Variants in ESRP1 observed in about 807,000 individuals in gnomAD.
The protein encoded by ESRP1 is epithelial splicing regulatory protein 1.
Under a neutral mutation model 81.7 loss-of-function variants are expected in ESRP1, and 33 were observed. The ratio of observed to expected loss-of-function variants is 0.40; its 90% confidence interval spans 0.31 to 0.54. The LOEUF (loss-of-function observed/expected upper bound fraction) is 0.54. Ranked by LOEUF, ESRP1 falls within the 20% of genes least tolerant of loss-of-function variation. ESRP1 has a pLI of 0.41. For missense variants in ESRP1, 672 were observed against 833.1 expected, an observed-to-expected ratio of 0.81 and a Z score of 2.38; for synonymous variants, 320 against 303.3, an observed-to-expected ratio of 1.06 and a Z score of -0.57.
intron 15 of ESRP1, among the ~76,000 whole-genome samples, chr8:94,703,599 A>C (rs73265270): frequency 4.7e-4 from 71 of 152,340 alleles, no homozygotes; most frequent in African/African-American, 1.5e-3. Context: ...GCTATTTCCT[A>C]GTATAAATGT....
In ESRP1 at chr8:94,706,209, G is replaced by T; in HGVS notation, c.*320G>T. 3 of 441,956 alleles carry T rather than the reference G, an allele frequency of 6.8e-6. No individual in the cohort carries two copies. The highest frequency in any genetic ancestry group is 1.2e-5 in the Non-Finnish European group (3 of 250,096). The allele number at this position is 441,956 out of a possible 1,614,324, so 27.4% of individuals were successfully genotyped here. On this transcript the variant is annotated 3_prime_UTR_variant, in exon 16 of 16. Transcript: ENST00000433389. The stretch of plus-strand genomic sequence containing the variant: ...TGTCTCCATTACTTCCAGTTAAAGT[G>T]GCATCATAGGTGTTTCCTAAGTTTT...
intron 3 of ESRP1, among the ~76,000 whole-genome samples, chr8:94,644,707 G>A (rs576751900): frequency 6.6e-6 from 1 of 152,174 alleles, no homozygotes; most frequent in South Asian, 2.1e-4. Context: ...AAAACATCTG[G>A]AGAAAAATTA....
chr8:94,676,203 A>C (rs1176113586), intron 12 of ESRP1, among the ~76,000 whole-genome samples: 1 of 152,072 alleles, frequency 6.6e-6, no homozygotes, highest in Non-Finnish European at 1.5e-5. Flanking sequence ...TCTACTAAAA[A>C]TACAAAAAAT....
At chr8:94,702,321 A>T (rs1809873343) in intron 15 of ESRP1, among the ~76,000 whole-genome samples, 1 of 152,126 alleles carries the variant, frequency 6.6e-6, no homozygotes, top group Non-Finnish European at 1.5e-5. Context: ...CTTCCATAGG[A>T]TCTGTTCTAA....
intron 9 of ESRP1, among the ~76,000 whole-genome samples, chr8:94,666,900 C>T (rs911438548): frequency 3.9e-5 from 6 of 152,062 alleles, no homozygotes; most frequent in Non-Finnish European, 8.8e-5. Flanking sequence ...ATGGGCACTG[C>T]GATAAGAATT....
chr8:94,647,657 G>A (rs1817916063), intron 4 of ESRP1, among the ~76,000 whole-genome samples: 1 of 152,154 alleles, frequency 6.6e-6, no homozygotes, highest in East Asian at 1.9e-4. Flanking sequence ...CCTCTCTCCA[G>A]ATAGTTACAT....
rs368846511 is a variant in ESRP1 at position 94,668,208 on chromosome 8, A to G, written c.1191A>G (p.Arg397=). The G allele has an allele frequency of 1.9e-6, 3 of 1,612,288 alleles. No homozygotes were observed. Among genetic ancestry groups the G allele is most frequent in the African/African-American group, 2.7e-5 (2 of 74,906 alleles). The change falls in exon 10 of 16, where the codon AGA becomes AGG. Residue 397 remains arginine, a synonymous_variant. Coordinates refer to ENST00000433389, the MANE Select transcript of ESRP1 (RefSeq NM_017697.4). ...LRKHKDLLGK[R]YIELFRSTAA... ...AGCATAAAGACTTGTTGGGTAAAAG[A>G]TACATTGAACTCTTCAGGAGCACAG...
At chr8:94,698,403 T>C (rs1809689818) in intron 15 of ESRP1, among the ~76,000 whole-genome samples, 1 of 152,244 alleles carries the variant, frequency 6.6e-6, no homozygotes, top group African/African-American at 2.4e-5. Flanking sequence ...TGTGTTTAAG[T>C]AGATTTGGGC....
chr8:94,704,174 A>C (rs1435530940), intron 15 of ESRP1, among the ~76,000 whole-genome samples: 2 of 60,194 alleles, frequency 3.3e-5, no homozygotes, highest in East Asian at 3.3e-4. Flanking sequence ...TGCTTCTGAG[A>C]CTTTTTTTTT....
intron 2 of ESRP1, 51 bp downstream of exon 2, chr8:94,642,135 G>T (rs912207413): frequency 6.3e-7 from 1 of 1,586,076 alleles, no homozygotes; most frequent in African/African-American, 1.3e-5. Context: ...CAACCCCACC[G>T]CACCCTACGC....
At chr8:94,680,956 G>A (rs12544778) in intron 13 of ESRP1, among the ~76,000 whole-genome samples, 53,185 of 150,018 alleles carry the variant, frequency 0.35, 9,787 homozygotes, top group East Asian at 0.57. Flanking sequence ...TAATCCCAGC[G>A]CTTTGGGAGG....
chr8:94,672,083 G>C (rs940970642), intron 11 of ESRP1, among the ~76,000 whole-genome samples: 1 of 152,110 alleles, frequency 6.6e-6, no homozygotes, highest in African/African-American at 2.4e-5. Flanking sequence ...TATTTTGGCT[G>C]TTCAACTCTG....
At chr8:94,659,548 AAAGT>A (rs1350940612) in intron 4 of ESRP1, among the ~76,000 whole-genome samples, 16 of 152,200 alleles carry the variant, frequency 1.1e-4, no homozygotes, top group Admixed American at 9.8e-4. Context: ...CTTTCAAATG[AAAGT>A]AAGAGTTTCA....
At chr8:94,667,832 GA>G (rs1446631128) in intron 9 of ESRP1, 116 bp from the exon 10 acceptor site, 2 of 793,706 alleles carry the variant, frequency 2.5e-6, no homozygotes, top group African/African-American at 3.5e-5. Flanking sequence ...CGTTCAGTAG[GA>G]GTATGGGTCT....
intron 10 of ESRP1, 72 bp from the exon 11 acceptor site, chr8:94,671,381 T>C: frequency 3.1e-6 from 4 of 1,302,928 alleles, no homozygotes; most frequent in Non-Finnish European, 4.3e-6. Flanking sequence ...TTCCCAGTGA[T>C]GCCATTGCTG....
intron 15 of ESRP1, 42 bp from the exon 16 acceptor site, chr8:94,705,883 A>G (rs940913179): frequency 8.8e-6 from 13 of 1,474,732 alleles, no homozygotes; most frequent in Admixed American, 2.4e-5. Flanking sequence ...TTTAGAGACT[A>G]TAACATTTCC....
At chr8:94,645,223 A>C (rs2130532905) in intron 3 of ESRP1, among the ~76,000 whole-genome samples, 1 of 152,280 alleles carries the variant, frequency 6.6e-6, no homozygotes, top group African/African-American at 2.4e-5. Flanking sequence ...ACATCTAGTA[A>C]AATCCAATAG....
Position 94,692,808 on chromosome 8 carries a change from ACTT to A in ESRP1, c.1957_1959del (p.Phe653del). ...AATACTGGAGTTAAGGAAATTCTTA[ACTT>A]CTTCCAAGGTTACCAGGTCAGTAGC... On this transcript the variant is annotated inframe_deletion, in exon 14 of 16. Coordinates refer to ENST00000433389, the MANE Select transcript of ESRP1 (RefSeq NM_017697.4). 1 of 1,613,342 alleles carries A rather than the reference ACTT, an allele frequency of 6.2e-7. No homozygotes were observed. Among genetic ancestry groups the A allele is most frequent in the Admixed American group, 1.7e-5 (1 of 59,912 alleles).
chr8:94,643,471 G>A, intron 3 of ESRP1, 55 bp downstream of exon 3: 3 of 1,249,968 alleles, frequency 2.4e-6, no homozygotes, highest in Non-Finnish European at 3.5e-6. Flanking sequence ...GTGACTGGAG[G>A]TTTTTAAAAA....
Sources: gnomAD v4.1 joint callset for allele counts (sites outside exome capture counted in the v4.1 genomes callset) on GRCh38, gnomAD v4.1.1 for gene constraint, MANE v1.5 for transcripts, NCBI Gene and HGNC (gene_info 2026-07-23, HGNC 2026-07-21) for gene names.